The following ATRNL1 variants were observed in gnomAD, a reference collection of about 807,000 sequenced individuals.
The protein encoded by ATRNL1 is attractin like 1.
ATRNL1 carries 95 observed loss-of-function variants against 182.7 expected under a neutral mutation model. The observed-to-expected ratio is 0.52, with a 90% CI of 0.44 to 0.62. The LOEUF (loss-of-function observed/expected upper bound fraction) is 0.62. ATRNL1 is among the 20% of genes least tolerant of loss of function. The pLI is 0.00. For missense variants in ATRNL1, 1,471 were observed against 1,679.5 expected (o/e 0.88, Z 2.17); for synonymous variants, 576 against 568.3 (o/e 1.01, Z -0.19).
chr10:115,721,731 G>A (rs1947432529), intron 26 of ATRNL1, among the ~76,000 whole-genome samples: 1 of 152,034 alleles, frequency 6.6e-6, no homozygotes. Flanking sequence ...ATTTGGGTGG[G>A]GACACAGTCA....
intron 21 of ATRNL1, among the ~76,000 whole-genome samples, chr10:115,439,726 T>C (rs575695615): frequency 4.0e-4 from 60 of 151,864 alleles, no homozygotes; most frequent in Admixed American, 7.2e-4. Context: ...ATAACAAGTA[T>C]TCTTATGAAA....
intron 28 of ATRNL1, among the ~76,000 whole-genome samples, chr10:115,929,410 A>G (rs1314836464): frequency 6.6e-6 from 1 of 152,096 alleles, no homozygotes; most frequent in African/African-American, 2.4e-5. Flanking sequence ...GACTCATCCT[A>G]TCTTATATTT....
intron 15 of ATRNL1, among the ~76,000 whole-genome samples, chr10:115,295,898 GAGGC>G (rs1272436020): frequency 6.6e-6 from 1 of 152,126 alleles, no homozygotes; most frequent in African/African-American, 2.4e-5. Context: ...GAGAGATGCA[GAGGC>G]TACTGGACAC....
intron 24 of ATRNL1, among the ~76,000 whole-genome samples, chr10:115,514,684 A>G (rs1554983454): frequency 6.6e-6 from 1 of 151,932 alleles, no homozygotes; most frequent in African/African-American, 2.4e-5. Context: ...CTTATACACC[A>G]TTTAAATTAA....
intron 1 of ATRNL1, among the ~76,000 whole-genome samples, chr10:115,095,383 AACTT>A (rs2084986795): frequency 1.3e-5 from 2 of 151,332 alleles, no homozygotes; most frequent in Non-Finnish European, 2.9e-5. Context: ...TTTAAAAAAA[AACTT>A]ACTATTACTG....
intron 3 of ATRNL1, among the ~76,000 whole-genome samples, chr10:115,122,436 GAAA>G (rs1371548122): frequency 6.6e-6 from 1 of 151,734 alleles, no homozygotes; most frequent in Non-Finnish European, 1.5e-5. Flanking sequence ...ATTAGACACA[GAAA>G]AAATTATGAA....
rs1015618580 is a variant in ATRNL1, at chr10:115,858,538, G to A, written c.4018+10547G>A. ...GGAACAACATACACTGGAGCCTGTC[G>A]GGGGAGAGAGGGGTTGTGGAGAGAG... On this transcript the variant is annotated intron_variant, in intron 28 of 28. Transcript: ENST00000355044. Among the ~76,000 whole-genome samples, 15 of 152,260 alleles carry A rather than the reference G, an allele frequency of 9.9e-5. No individual in the cohort carries two copies. In the East Asian group the frequency reaches 1.2e-3, roughly 12 times the overall value.
chr10:115,249,979 T>G (rs1312210116), intron 10 of ATRNL1, among the ~76,000 whole-genome samples: 7 of 152,224 alleles, frequency 4.6e-5, no homozygotes, highest in Non-Finnish European at 7.3e-5. Flanking sequence ...GTATTGAGCT[T>G]TAAGGCATTT....
chr10:115,901,890 A>G (rs1186850493), intron 28 of ATRNL1, among the ~76,000 whole-genome samples: 1 of 152,160 alleles, frequency 6.6e-6, no homozygotes, highest in Non-Finnish European at 1.5e-5. Context: ...GTCCTACAGA[A>G]TTAAGTCCTG....
chr10:115,701,270 A>T (rs1946727338), intron 26 of ATRNL1, among the ~76,000 whole-genome samples: 1 of 152,068 alleles, frequency 6.6e-6, no homozygotes, highest in African/African-American at 2.4e-5. Flanking sequence ...GAAAATATAG[A>T]TACAACATAC....
Position 115,936,462 on chromosome 10 carries a change from G to T in ATRNL1, c.4019-8196G>T, listed in dbSNP as rs1555122863. ...AAACACTTGTTGAGTGAAGTTATTTGCTTCTCAAATGATTTTTTAATTATC... is the reference window on the plus strand; with the variant it reads ...AAACACTTGTTGAGTGAAGTTATTTTCTTCTCAAATGATTTTTTAATTATC... On this transcript the variant is annotated intron_variant, in intron 28 of 28. Coordinates refer to ENST00000355044, the MANE Select transcript of ATRNL1 (RefSeq NM_207303.4). 3.9e-5 allele frequency among the ~76,000 whole-genome samples: 6 copies of T among 152,254 alleles called. 1 individual carries two copies. Among genetic ancestry groups the T allele is most frequent in the African/African-American group, 1.4e-4 (6 of 41,560 alleles).
chr10:115,676,488 A>G (rs1328920063), intron 26 of ATRNL1, among the ~76,000 whole-genome samples: 1 of 152,044 alleles, frequency 6.6e-6, no homozygotes, highest in Non-Finnish European at 1.5e-5. Flanking sequence ...CCAAATGAGA[A>G]AAAATAGCAG....
At chr10:115,341,643 C>A in intron 19 of ATRNL1, among the ~76,000 whole-genome samples, 1 of 152,106 alleles carries the variant, frequency 6.6e-6, no homozygotes, top group South Asian at 2.1e-4. Flanking sequence ...TGGGGCCTAT[C>A]TCTCTCTTTA....
chr10:115,457,889 T>A (rs1192281908), intron 21 of ATRNL1, among the ~76,000 whole-genome samples: 1 of 152,142 alleles, frequency 6.6e-6, no homozygotes, highest in African/African-American at 2.4e-5. Context: ...CCAATTGGCA[T>A]AAAATGTGTT....
chr10:115,654,625 G>A (rs1293639262), intron 26 of ATRNL1, among the ~76,000 whole-genome samples: 1 of 152,118 alleles, frequency 6.6e-6, no homozygotes, highest in African/African-American at 2.4e-5. Context: ...ATTCCTTTAA[G>A]TAAGACACTG....
intron 9 of ATRNL1, among the ~76,000 whole-genome samples, chr10:115,237,907 A>G (rs566037578): frequency 3.3e-4 from 51 of 152,304 alleles, no homozygotes; most frequent in South Asian, 1.2e-3. Flanking sequence ...AATTTTTGTA[A>G]AAGATGTAAG....
At chr10:115,622,284 T>C (rs543834623) in intron 26 of ATRNL1, among the ~76,000 whole-genome samples, 13 of 152,280 alleles carry the variant, frequency 8.5e-5, no homozygotes, top group African/African-American at 3.1e-4. Flanking sequence ...GTAATTTGTT[T>C]TGAAACAAAG....
In ATRNL1 at chr10:115,796,201, G is replaced by T. The variant is rs535365390; in HGVS notation, c.3904-51676G>T. 1.6e-4 allele frequency among the ~76,000 whole-genome samples: 24 copies of T among 151,894 alleles called. No homozygotes were observed. In the East Asian group the frequency reaches 4.3e-3, roughly 27 times the overall value. Reference sequence around the variant, plus strand: ...TGCCGTCATCACCCTGCTTGGGACAGCTTTAAAACAGGCAACTGCCATATG... The same window carrying T: ...TGCCGTCATCACCCTGCTTGGGACATCTTTAAAACAGGCAACTGCCATATG... On this transcript the variant is annotated intron_variant, in intron 27 of 28. Coordinates refer to ENST00000355044, the MANE Select transcript of ATRNL1 (RefSeq NM_207303.4).
chr10:115,312,045 G>T (rs560717210), intron 17 of ATRNL1, among the ~76,000 whole-genome samples: 1 of 151,676 alleles, frequency 6.6e-6, no homozygotes, highest in Non-Finnish European at 1.5e-5. Flanking sequence ...TTGCTTTGTG[G>T]TTTTTCATCC....
Sources: allele counts gnomAD v4.1 joint callset (sites outside exome capture counted in the v4.1 genomes callset), GRCh38; gene constraint gnomAD v4.1.1; transcripts MANE v1.5; gene names NCBI Gene and HGNC (gene_info 2026-07-23, HGNC 2026-07-21).